The following OTUD7A variants were observed in gnomAD, a reference collection of about 807,000 sequenced individuals.
OTUD7A encodes OTU deubiquitinase 7A.
Under a neutral mutation model 65.7 loss-of-function variants are expected in OTUD7A, and 12 were observed. That is an observed-to-expected ratio of 0.18 (90% confidence interval 0.12 to 0.30). The LOEUF is 0.30. Ranked by LOEUF, OTUD7A falls within the 10% of genes least tolerant of loss-of-function variation. The probability of loss-of-function intolerance (pLI) is 1.00; values close to 1 mark genes in which losing one functional copy is unlikely to be tolerated. For missense variants in OTUD7A, 1,148 were observed against 1,304.8 expected (o/e 0.88, Z 1.85); for synonymous variants, 641 against 586.3 (o/e 1.09, Z -1.35).
chr15:31,754,910 G>A (rs529187642), intron 1 of OTUD7A, among the ~76,000 whole-genome samples: 3 of 152,228 alleles, frequency 2.0e-5, no homozygotes, highest in African/African-American at 7.2e-5. Flanking sequence ...TGCTGGAGTA[G>A]GGGTATGAAG....
At chr15:31,782,488 G>T (rs1385613046) in intron 1 of OTUD7A, among the ~76,000 whole-genome samples, 2 of 152,206 alleles carry the variant, frequency 1.3e-5, no homozygotes, top group Non-Finnish European at 2.9e-5. Flanking sequence ...GCCACAGGCA[G>T]ATGCTAGGAT....
At chr15:31,603,296 T>G (rs1400181463) in intron 3 of OTUD7A, among the ~76,000 whole-genome samples, 18 of 152,266 alleles carry the variant, frequency 1.2e-4, no homozygotes, top group Admixed American at 9.8e-4. Context: ...ACCACACTTC[T>G]ACAACCATCT....
chr15:31,549,202 C>G (rs943113778), intron 5 of OTUD7A, among the ~76,000 whole-genome samples: 16 of 151,246 alleles, frequency 1.1e-4, no homozygotes, highest in Admixed American at 1.3e-4. Flanking sequence ...GCACAGTGTG[C>G]TGTAACATAC....
At chr15:31,559,685 C>A (rs1888625324) in intron 4 of OTUD7A, among the ~76,000 whole-genome samples, 3 of 152,168 alleles carry the variant, frequency 2.0e-5, no homozygotes, top group Non-Finnish European at 4.4e-5. Flanking sequence ...CACATATATA[C>A]ATGCCCACGC....
At chr15:31,664,966 G>T (rs1028435877) in intron 1 of OTUD7A, among the ~76,000 whole-genome samples, 18 of 152,292 alleles carry the variant, frequency 1.2e-4, no homozygotes, top group African/African-American at 4.3e-4. Flanking sequence ...TCAGTTGGCT[G>T]TAAGTATTTG....
At chr15:31,753,120 G>A (rs192939043) in intron 1 of OTUD7A, among the ~76,000 whole-genome samples, 37 of 152,222 alleles carry the variant, frequency 2.4e-4, no homozygotes, top group African/African-American at 7.5e-4. Flanking sequence ...GACTAATGGC[G>A]CAGTTTGATG....
chr15:31,665,162 G>A (rs1412712299), intron 1 of OTUD7A, among the ~76,000 whole-genome samples: 5 of 152,036 alleles, frequency 3.3e-5, no homozygotes, highest in African/African-American at 4.8e-5. Flanking sequence ...GGTTCCATAC[G>A]AATTTTAGAA....
At chr15:31,628,851 G>A (rs1211464872) in intron 3 of OTUD7A, among the ~76,000 whole-genome samples, 3 of 152,158 alleles carry the variant, frequency 2.0e-5, no homozygotes. Flanking sequence ...TCTCTTTGAA[G>A]CAATTGTGAA....
chr15:31,797,418 G>A (rs891432181), intron 1 of OTUD7A, among the ~76,000 whole-genome samples: 2 of 152,134 alleles, frequency 1.3e-5, no homozygotes, highest in Non-Finnish European at 2.9e-5. Context: ...ACCTCTCAAC[G>A]ACGAGTACCT....
chr15:31,587,778 A>G (rs539144734), intron 3 of OTUD7A, among the ~76,000 whole-genome samples: 10 of 152,216 alleles, frequency 6.6e-5, no homozygotes, highest in African/African-American at 2.4e-4. Context: ...CCGGGCACCA[A>G]GTGACTTCGC....
intron 1 of OTUD7A, among the ~76,000 whole-genome samples, chr15:31,782,255 C>G (rs1895560193): frequency 6.6e-6 from 1 of 152,174 alleles, no homozygotes; most frequent in Non-Finnish European, 1.5e-5. Flanking sequence ...TGTGAGACAG[C>G]CATCAACAGA....
intron 3 of OTUD7A, among the ~76,000 whole-genome samples, chr15:31,617,268 C>T (rs1005287432): frequency 3.2e-4 from 48 of 152,134 alleles, no homozygotes; most frequent in African/African-American, 1.2e-3. Context: ...GTGGATGGAT[C>T]ACGAGGTCAA....
At chr15:31,766,271 A>G in intron 1 of OTUD7A, 1 of 1,600,518 alleles carries the variant, frequency 6.2e-7, no homozygotes, top group South Asian at 1.1e-5. Context: ...CCATTGCATC[A>G]TGAAGTTTGG....
At chr15:31,523,948 C>T (rs758021497) in intron 8 of OTUD7A, among the ~76,000 whole-genome samples, 9 of 152,192 alleles carry the variant, frequency 5.9e-5, no homozygotes, top group Non-Finnish European at 1.0e-4. Context: ...GCTCTCTGTC[C>T]GTTACCCCAG....
intron 1 of OTUD7A, among the ~76,000 whole-genome samples, chr15:31,694,607 A>G (rs1026951583): frequency 6.6e-6 from 1 of 152,032 alleles, no homozygotes; most frequent in Non-Finnish European, 1.5e-5. Flanking sequence ...TCCTTTGACC[A>G]ACATCTCAAC....
At chr15:31,813,219 G>A (rs1344747605) in intron 1 of OTUD7A, among the ~76,000 whole-genome samples, 1 of 152,202 alleles carries the variant, frequency 6.6e-6, no homozygotes, top group Admixed American at 6.5e-5. Context: ...CCCTCCCCAT[G>A]CCAATGCCGT....
At chr15:31,783,404 G>A (rs1895591748) in intron 1 of OTUD7A, among the ~76,000 whole-genome samples, 1 of 152,100 alleles carries the variant, frequency 6.6e-6, no homozygotes, top group East Asian at 1.9e-4. Context: ...TTTGCTTTTC[G>A]CTGTGTTGAC....
At chr15:31,668,765 C>T (rs1051893619) in intron 1 of OTUD7A, among the ~76,000 whole-genome samples, 10 of 152,160 alleles carry the variant, frequency 6.6e-5, no homozygotes, top group African/African-American at 1.9e-4. Context: ...CTGGTTTCTT[C>T]TCATTTGGGT....
chr15:31,619,612 G>T (rs1259751766), intron 3 of OTUD7A, among the ~76,000 whole-genome samples: 2 of 151,912 alleles, frequency 1.3e-5, no homozygotes, highest in Non-Finnish European at 2.9e-5. Flanking sequence ...TTTACACATT[G>T]ATTTTGTATC....
Sources: gnomAD v4.1 joint callset for allele counts (sites outside exome capture counted in the v4.1 genomes callset) on GRCh38, gnomAD v4.1.1 for gene constraint, MANE v1.5 for transcripts, NCBI Gene and HGNC (gene_info 2026-07-23, HGNC 2026-07-21) for gene names.